Variants in TSPAN18 observed in about 807,000 individuals in gnomAD.
TSPAN18 encodes tetraspanin 18.
Under a neutral mutation model 27.3 loss-of-function variants are expected in TSPAN18, and 14 were observed. The ratio of observed to expected loss-of-function variants is 0.51; its 90% CI spans 0.34 to 0.80. The LOEUF (loss-of-function observed/expected upper bound fraction) is 0.80. TSPAN18 is among the 30% of genes least tolerant of loss of function. The pLI is 0.01. For synonymous variants in TSPAN18, 143 were observed against 136.5 expected (o/e 1.05, Z -0.33); for missense variants, 268 against 323.9 (o/e 0.83, Z 1.32).
intron 3 of TSPAN18, among the ~76,000 whole-genome samples, chr11:44,861,793 TCACACACACACACACACACA>T (rs56816197): frequency 5.3e-5 from 7 of 132,046 alleles, no homozygotes; most frequent in East Asian, 2.3e-4. Context: ...AGCCCAAATT[TCACACACACACACACACACA>T]CACACACACA....
intron 2 of TSPAN18, among the ~76,000 whole-genome samples, chr11:44,767,984 A>ATT: frequency 6.6e-6 from 1 of 152,342 alleles, no homozygotes; most frequent in Non-Finnish European, 1.5e-5. Context: ...CACAAATACC[A>ATT]CACCATTTTA....
intron 3 of TSPAN18, among the ~76,000 whole-genome samples, chr11:44,869,165 G>A (rs918163011): frequency 2.6e-5 from 4 of 152,208 alleles, no homozygotes; most frequent in South Asian, 2.1e-4. Context: ...AGACTGGGCC[G>A]GGAGGGATTT....
At chr11:44,806,924 AT>A (rs1345594303) in intron 2 of TSPAN18, among the ~76,000 whole-genome samples, 5 of 152,302 alleles carry the variant, frequency 3.3e-5, no homozygotes, top group Non-Finnish European at 7.3e-5. Context: ...TTTTATTTCA[AT>A]GGTTATATAG....
intron 7 of TSPAN18, 71 bp downstream of exon 7, chr11:44,919,383 G>C (rs1860040535): frequency 1.5e-6 from 2 of 1,306,832 alleles, no homozygotes; most frequent in Non-Finnish European, 2.2e-6. Flanking sequence ...CCCACGCCAG[G>C]CATCAGTAAT....
At chr11:44,906,371 C>A in intron 3 of TSPAN18, 36 bp from the exon 4 acceptor site, 2 of 1,607,740 alleles carry the variant, frequency 1.2e-6, no homozygotes, top group Non-Finnish European at 1.7e-6. Context: ...GGTGGGGTCC[C>A]CCATCGGGAA....
intron 1 of TSPAN18, among the ~76,000 whole-genome samples, chr11:44,754,313 G>T (rs1338151417): frequency 6.6e-6 from 1 of 152,156 alleles, no homozygotes; most frequent in Non-Finnish European, 1.5e-5. Context: ...CTAGCTGCAG[G>T]GTGGCCAGTT....
Position 44,931,004 on chromosome 11 carries a change from T to G in TSPAN18, c.*1826T>G, listed in dbSNP as rs764019473. 7 of 467,158 alleles carry G rather than the reference T, an allele frequency of 1.5e-5. No homozygotes were observed. The highest frequency in any genetic ancestry group is 3.1e-5 in the Non-Finnish European group (7 of 228,108). 28.9% of individuals were successfully genotyped at this position (467,158 alleles called of 1,614,324 possible). On this transcript the variant is annotated 3_prime_UTR_variant, in exon 10 of 10. Transcript: ENST00000520358. ...CCTGGCCTGTGCGTCTGCCCCCTTC[T>G]GAGATGCAGCCAGAAGCTCTGTGCC... is the stretch of plus-strand genomic sequence containing the variant.
chr11:44,763,278 T>A (rs1325988761), intron 1 of TSPAN18, among the ~76,000 whole-genome samples: 1 of 152,086 alleles, frequency 6.6e-6, no homozygotes, highest in Admixed American at 6.6e-5. Flanking sequence ...AGGCTGTAAG[T>A]TTTGCTCTTA....
intron 4 of TSPAN18, among the ~76,000 whole-genome samples, chr11:44,908,715 C>A: frequency 7.4e-6 from 1 of 134,856 alleles, no homozygotes; most frequent in Non-Finnish European, 1.6e-5. Flanking sequence ...GCCTGGGTAG[C>A]AGAGCAAGAC....
At chr11:44,769,719 A>G (rs1450680687) in intron 2 of TSPAN18, among the ~76,000 whole-genome samples, 1 of 152,150 alleles carries the variant, frequency 6.6e-6, no homozygotes, top group Non-Finnish European at 1.5e-5. Flanking sequence ...TTATCCTTTC[A>G]TGTCTATGGG....
intron 2 of TSPAN18, among the ~76,000 whole-genome samples, chr11:44,819,801 G>A (rs1409215875): frequency 1.3e-5 from 2 of 151,046 alleles, no homozygotes; most frequent in African/African-American, 2.4e-5. Flanking sequence ...TATTGTGACA[G>A]CAAAAATCTC....
At chr11:44,861,438 G>A (rs1857881083) in intron 3 of TSPAN18, among the ~76,000 whole-genome samples, 1 of 139,444 alleles carries the variant, frequency 7.2e-6, no homozygotes, top group East Asian at 2.2e-4. Flanking sequence ...GGGCTGTGGG[G>A]ACTGGTCGGT....
chr11:44,910,282 C>T (rs1590674438), intron 5 of TSPAN18, among the ~76,000 whole-genome samples: 1 of 152,354 alleles, frequency 6.6e-6, no homozygotes, highest in East Asian at 1.9e-4. Context: ...CAATCCAGGA[C>T]CCTTGGCTTA....
intron 1 of TSPAN18, among the ~76,000 whole-genome samples, chr11:44,740,282 G>A (rs1206946744): frequency 6.6e-5 from 10 of 152,236 alleles, no homozygotes. Flanking sequence ...AGACCCGTGG[G>A]TCAGGACAGA....
At chr11:44,812,457 A>G (rs72895499) in intron 2 of TSPAN18, among the ~76,000 whole-genome samples, 27,548 of 152,132 alleles carry the variant, frequency 0.18, 2,759 homozygotes, top group South Asian at 0.38. Flanking sequence ...CAGTTAAACT[A>G]AAAGAATCCT....
At chr11:44,843,921 A>G (rs1367260427) in intron 2 of TSPAN18, among the ~76,000 whole-genome samples, 4 of 152,194 alleles carry the variant, frequency 2.6e-5, no homozygotes, top group Non-Finnish European at 5.9e-5. Context: ...ATGCTGTAGA[A>G]TTTATGTAGT....
chr11:44,753,323 G>A (rs567525337), intron 1 of TSPAN18, among the ~76,000 whole-genome samples: 6 of 152,190 alleles, frequency 3.9e-5, no homozygotes, highest in African/African-American at 1.2e-4. Flanking sequence ...GTAGAGACAG[G>A]GTTTCACCAT....
At chr11:44,742,941 T>C (rs1854980274) in intron 1 of TSPAN18, among the ~76,000 whole-genome samples, 1 of 152,206 alleles carries the variant, frequency 6.6e-6, no homozygotes, top group South Asian at 2.1e-4. Flanking sequence ...AGGGACAGCT[T>C]CATGGGGGGG....
At chr11:44,879,421 A>T (rs937484230) in intron 3 of TSPAN18, among the ~76,000 whole-genome samples, 1 of 152,172 alleles carries the variant, frequency 6.6e-6, no homozygotes, top group African/African-American at 2.4e-5. Context: ...GATCCTGTCC[A>T]CAAAGAGGGG....
Sources: allele counts gnomAD v4.1 joint callset (sites outside exome capture counted in the v4.1 genomes callset), GRCh38; gene constraint gnomAD v4.1.1; transcripts MANE v1.5; gene names NCBI Gene and HGNC (gene_info 2026-07-23, HGNC 2026-07-21).